Variants in KAT7 observed in about 807,000 individuals in gnomAD.
The protein encoded by KAT7 is histone acetyltransferase KAT7.
KAT7 carries 10 observed loss-of-function variants against 82.1 expected under a neutral mutation model. The observed-to-expected ratio is 0.12, with a 90% CI of 0.08 to 0.21. KAT7 has a LOEUF of 0.21. Ranked by LOEUF, KAT7 falls within the 10% of genes least tolerant of loss-of-function variation. The probability of loss-of-function intolerance (pLI) is 1.00; values close to 1 mark genes in which losing one functional copy is unlikely to be tolerated. For synonymous variants in KAT7, 250 were observed against 262.5 expected (o/e 0.95, Z 0.46); for missense variants, 378 against 760.9 (o/e 0.50, Z 5.92).
rs2073983924 is a variant in KAT7 at position 49,798,484 on chromosome 17, G to T, written c.506G>T (p.Arg169Leu). 1 of 1,614,004 alleles carries T rather than the reference G, an allele frequency of 6.2e-7. No individual in the cohort carries two copies. The highest frequency in any genetic ancestry group is 8.5e-7 in the Non-Finnish European group (1 of 1,179,938). The change falls in exon 4 of 15, where the codon CGC becomes CTC. Residue 169 changes from arginine (R) to leucine (L), a missense_variant. Coordinates refer to ENST00000259021, the MANE Select transcript of KAT7 (RefSeq NM_007067.5). ...LKDSGSDLSH[R>L]PKRRRFHESY... ...GACTCAGGCAGTGATCTCTCTCATC[G>T]CCCCAAGCGCCGTCGCTTCCATGAA...
intron 1 of KAT7, among the ~76,000 whole-genome samples, chr17:49,790,196 TTTTG>T (rs747282730): frequency 7.2e-5 from 11 of 152,060 alleles, no homozygotes; most frequent in Admixed American, 1.3e-4. Flanking sequence ...GTATGTGTTT[TTTTG>T]TTTGTTTGTT....
intron 1 of KAT7, chr17:49,789,247 T>A (rs1217729583): frequency 5.9e-6 from 1 of 169,890 alleles, no homozygotes; most frequent in Non-Finnish European, 1.3e-5. Context: ...TTGGTCGAGG[T>A]TGGCAGTCTG....
At chr17:49,805,581 TAAA>T (rs1199540495) in intron 5 of KAT7, 136 bp downstream of exon 5, 2 of 504,758 alleles carry the variant, frequency 4.0e-6, no homozygotes, top group African/African-American at 3.9e-5. Context: ...GGAGGAAACA[TAAA>T]AAACAATGTG....
chr17:49,821,230 T>C (rs1444708611), intron 9 of KAT7, 107 bp from the exon 10 acceptor site: 2 of 730,354 alleles, frequency 2.7e-6, no homozygotes, highest in African/African-American at 3.6e-5. Context: ...TGTCCAACTG[T>C]CCGGTAGCTC....
At position 49,809,101 on chromosome 17, in the gene KAT7, C is replaced by T. The variant is rs752582459; in HGVS notation, c.664-18C>T. On this transcript the variant is annotated intron_variant, in intron 5 of 14. Coordinates refer to ENST00000259021, the MANE Select transcript of KAT7 (RefSeq NM_007067.5). The stretch of plus-strand genomic sequence containing the variant: ...TCTTAGAAGCAGGTGGATTTATTGA[C>T]GTTGTTGATGGTTGCAGGTGAGAGC... 13 of 1,599,548 alleles carry T rather than the reference C, an allele frequency of 8.1e-6. No homozygotes were observed. Among genetic ancestry groups the T allele is most frequent in the Admixed American group, 6.7e-5 (4 of 59,808 alleles).
chr17:49,820,625 A>T (rs2074290951), intron 9 of KAT7, among the ~76,000 whole-genome samples: 2 of 152,118 alleles, frequency 1.3e-5, no homozygotes, highest in African/African-American at 4.8e-5. Context: ...ACCTAACAGC[A>T]GATGGCTGGC....
At chr17:49,805,666 CAAG>C (rs1374992227) in intron 5 of KAT7, among the ~76,000 whole-genome samples, 3 of 152,248 alleles carry the variant, frequency 2.0e-5, no homozygotes, top group Admixed American at 6.5e-5. Flanking sequence ...GAGAAGTTAA[CAAG>C]GAGATTATGA....
chr17:49,789,856 C>G (rs921500775), intron 1 of KAT7: 3 of 152,120 alleles, frequency 2.0e-5, no homozygotes, highest in African/African-American at 7.2e-5. Context: ...GCAGTTAAGT[C>G]TGCCCTGGAG....
intron 5 of KAT7, among the ~76,000 whole-genome samples, chr17:49,807,772 A>T (rs562203235): frequency 6.6e-6 from 1 of 152,224 alleles, no homozygotes; most frequent in South Asian, 2.1e-4. Context: ...TGGATTCAGG[A>T]TACGTTTTAG....
At chr17:49,826,996 T>A in intron 14 of KAT7, 197 bp downstream of exon 14, 1 of 491,126 alleles carries the variant, frequency 2.0e-6, no homozygotes. Context: ...TAAGCTCCTG[T>A]CTCAAATTTG....
chr17:49,802,230 G>T (rs1325755802), intron 4 of KAT7, among the ~76,000 whole-genome samples: 3 of 152,004 alleles, frequency 2.0e-5, no homozygotes, highest in African/African-American at 7.3e-5. Context: ...TACATATTTT[G>T]GTGTCTTTCT....
At chr17:49,813,024 T>A (rs867279384) in intron 7 of KAT7, among the ~76,000 whole-genome samples, 2,317 of 140,020 alleles carry the variant, frequency 0.017, 53 homozygotes, top group African/African-American at 0.059. Context: ...TTTTTTTTTT[T>A]AAATTTATTT....
Position 49,798,500 on chromosome 17 carries a change from C to T in KAT7, c.522C>T (p.Arg174=), listed in dbSNP as rs1035296895. The change falls in exon 4 of 15, where the codon CGC becomes CGT. Residue 174 remains arginine, a synonymous_variant. Transcript: ENST00000259021. ...SDLSHRPKRR[R]FHESYNFNMK... is the part of the protein sequence containing the mutation. ...TCTCTCATCGCCCCAAGCGCCGTCG[C>T]TTCCATGAAAGCTACAACTTCAATA... 2 of 1,614,092 alleles carry T rather than the reference C, an allele frequency of 1.2e-6. No homozygotes were observed. Among genetic ancestry groups the T allele is most frequent in the Non-Finnish European group, 1.7e-6 (2 of 1,179,930 alleles).
At chr17:49,792,512 CT>C (rs923222565) in intron 2 of KAT7, among the ~76,000 whole-genome samples, 17 of 151,856 alleles carry the variant, frequency 1.1e-4, no homozygotes, top group African/African-American at 2.4e-4. Context: ...GAATTTCGGT[CT>C]TTTCCTGGGC....
At chr17:49,790,032 C>T (rs948648855) in intron 1 of KAT7, 1 of 152,148 alleles carries the variant, frequency 6.6e-6, no homozygotes, top group Admixed American at 6.5e-5. Context: ...GTGATTCTTG[C>T]TCATTTCCTG....
intron 4 of KAT7, among the ~76,000 whole-genome samples, chr17:49,803,549 C>A (rs1424740758): frequency 6.6e-6 from 1 of 152,066 alleles, no homozygotes; most frequent in African/African-American, 2.4e-5. Context: ...CTCAGCCTCC[C>A]GAGTAGCTGG....
At chr17:49,810,297 C>T (rs1414967722) in intron 6 of KAT7, among the ~76,000 whole-genome samples, 1 of 152,016 alleles carries the variant, frequency 6.6e-6, no homozygotes, top group African/African-American at 2.4e-5. Context: ...ACTCTTTTTG[C>T]CCCGGCTGGA....
chr17:49,826,727 C>T lies in KAT7; in HGVS notation c.1662C>T (p.Asp554=), dbSNP rs764001495. The change falls in exon 14 of 15, where the codon GAC becomes GAT. Residue 554 remains aspartate (D), a synonymous_variant. Transcript: ENST00000259021. The stretch of plus-strand genomic sequence containing the variant: ...AGGAGACGGCTGTGAATCCTGTGGA[C>T]ATTGTCAGCACTCTGCAAGCCCTTC... The part of the protein sequence containing the change: ...ISQETAVNPV[D]IVSTLQALQM... 1.2e-6 allele frequency: 2 copies of T among 1,611,886 alleles called. No homozygotes were observed. Among genetic ancestry groups the T allele is most frequent in the Non-Finnish European group, 1.7e-6 (2 of 1,179,530 alleles).
Position 49,826,092 on chromosome 17 carries a change from G to C in KAT7, c.1573G>C (p.Glu525Gln). The C allele has an allele frequency of 6.2e-7, 1 of 1,614,046 alleles. No homozygotes were observed. Among genetic ancestry groups the C allele is most frequent in the Non-Finnish European group, 8.5e-7 (1 of 1,179,890 alleles). ...TATAAGCTATCGCAGTTACTGGAAA[G>C]AAGTACTTCTCCGCTACCTGCATAA... Reference protein sequence around the residue: ...GLISYRSYWKEVLLRYLHNFQ... With the variant: ...GLISYRSYWKQVLLRYLHNFQ... The change falls in exon 13 of 15, where the codon GAA becomes CAA. Residue 525 changes from glutamate to glutamine, a missense_variant. Glu to Gln is a conservative substitution (Grantham distance 29). This residue lies in a region of KAT7 where 44 missense variants were observed against 102.2 expected (regional missense o/e 0.43). Coordinates refer to ENST00000259021, the MANE Select transcript of KAT7 (RefSeq NM_007067.5).
Sources: allele counts gnomAD v4.1 joint callset (sites outside exome capture counted in the v4.1 genomes callset), GRCh38; gene constraint gnomAD v4.1.1; regional missense constraint gnomAD v4.1.1; transcripts MANE v1.5; gene names NCBI Gene and HGNC (gene_info 2026-07-23, HGNC 2026-07-21).